Variants in WWOX observed in about 807,000 individuals in gnomAD.
WWOX encodes the protein WW domain-containing oxidoreductase.
In WWOX, 69 loss-of-function variants were observed where a neutral mutation model predicts 46.2. That is an observed-to-expected ratio of 1.49 (90% CI 1.23 to 1.82). The LOEUF is 1.82. WWOX is among the 40% of genes most tolerant of loss of function. The pLI, the probability that WWOX is intolerant of heterozygous loss-of-function variation, is 0.00. For missense variants in WWOX, 919 were observed against 542.6 expected (o/e 1.69, Z -6.89); for synonymous variants, 359 against 202.6 (o/e 1.77, Z -6.56).
At chr16:78,969,530 C>G (rs954037089) in intron 8 of WWOX, among the ~76,000 whole-genome samples, 2 of 152,268 alleles carry the variant, frequency 1.3e-5, no homozygotes, top group African/African-American at 4.8e-5. Flanking sequence ...CTCAGCCTCC[C>G]AAAGTGCTGG....
At chr16:78,117,139 G>A (rs1360760340) in intron 4 of WWOX, among the ~76,000 whole-genome samples, 2 of 152,178 alleles carry the variant, frequency 1.3e-5, no homozygotes, top group East Asian at 3.8e-4. Flanking sequence ...AACTCTTTGT[G>A]CCTCTTCACA....
intron 8 of WWOX, among the ~76,000 whole-genome samples, chr16:78,711,659 A>T (rs1597477375): frequency 6.6e-6 from 1 of 152,194 alleles, no homozygotes; most frequent in Admixed American, 6.5e-5. Context: ...ATTTGAGACG[A>T]ACAGGCCAAA....
intron 8 of WWOX, among the ~76,000 whole-genome samples, chr16:78,651,383 G>C (rs896160495): frequency 7.9e-5 from 12 of 152,224 alleles, no homozygotes; most frequent in African/African-American, 2.4e-4. Context: ...GTGGATGTCA[G>C]GTTGAATACA....
intron 8 of WWOX, among the ~76,000 whole-genome samples, chr16:78,536,684 G>A (rs1175502742): frequency 2.6e-5 from 4 of 152,138 alleles, no homozygotes; most frequent in Non-Finnish European, 5.9e-5. Context: ...GCCAGCTAAA[G>A]TGTGGTCTCT....
intron 8 of WWOX, chr16:79,196,525 G>A (rs2051243671): frequency 6.6e-6 from 1 of 152,112 alleles, no homozygotes; most frequent in East Asian, 1.9e-4. Flanking sequence ...AGTCTATTCG[G>A]ACCCAACTTC....
chr16:78,398,828 A>G (rs549689575), intron 6 of WWOX, among the ~76,000 whole-genome samples: 20 of 152,358 alleles, frequency 1.3e-4, no homozygotes, highest in Admixed American at 1.0e-3. Flanking sequence ...GAATATTTAT[A>G]AAGCGTAGTA....
chr16:78,266,264 C>T (rs1276909615), intron 5 of WWOX, among the ~76,000 whole-genome samples: 1 of 152,154 alleles, frequency 6.6e-6, no homozygotes, highest in East Asian at 1.9e-4. Context: ...TTTCAGTGTT[C>T]ATAACTAAAT....
intron 8 of WWOX, among the ~76,000 whole-genome samples, chr16:78,928,357 C>T (rs1175369551): frequency 4.0e-5 from 6 of 151,664 alleles, no homozygotes; most frequent in Non-Finnish European, 7.4e-5. Flanking sequence ...CGCCCGCTAC[C>T]ACGCCCGGCT....
At chr16:78,471,624 T>G (rs1186065165) in intron 8 of WWOX, among the ~76,000 whole-genome samples, 1 of 152,224 alleles carries the variant, frequency 6.6e-6, no homozygotes, top group Non-Finnish European at 1.5e-5. Context: ...TTCTGTGACT[T>G]TGTACTGAGA....
intron 8 of WWOX, among the ~76,000 whole-genome samples, chr16:78,791,857 G>A (rs570790864): frequency 6.6e-6 from 1 of 152,226 alleles, no homozygotes; most frequent in East Asian, 1.9e-4. Context: ...TGCAGCCTGG[G>A]CGACAGTGAA....
intron 8 of WWOX, chr16:78,896,480 C>T (rs2044703226): frequency 6.6e-6 from 1 of 152,158 alleles, no homozygotes; most frequent in Non-Finnish European, 1.5e-5. Flanking sequence ...GCTTCCCCTA[C>T]CCCTTCCGTC....
intron 8 of WWOX, among the ~76,000 whole-genome samples, chr16:78,532,210 T>G (rs1480011057): frequency 6.6e-6 from 1 of 152,190 alleles, no homozygotes; most frequent in African/African-American, 2.4e-5. Context: ...GAATTACATT[T>G]TAATATTGGT....
At chr16:78,924,527 C>T (rs184758658) in intron 8 of WWOX, among the ~76,000 whole-genome samples, 12 of 152,310 alleles carry the variant, frequency 7.9e-5, no homozygotes, top group Admixed American at 3.3e-4. Context: ...TCAAGATTCT[C>T]TTCAGCCCAG....
At position 78,138,051 on chromosome 16, in the gene WWOX, G is replaced by A. The variant is rs1175140643; in HGVS notation, c.409+22897G>A. Among the ~76,000 whole-genome samples, 2 of 150,644 alleles carry A rather than the reference G, an allele frequency of 1.3e-5. 1 individual carries two copies. The highest frequency in any genetic ancestry group is 3.0e-5 in the Non-Finnish European group (2 of 67,598). ...CTTCTGATCAGCTTCTATAATGGAT[G>A]CAATGAGGAAAGTTGTCTAGCAGAC... On this transcript the variant is annotated intron_variant, in intron 4 of 8. Transcript: ENST00000566780.
At chr16:78,887,330 G>A (rs1185598616) in intron 8 of WWOX, among the ~76,000 whole-genome samples, 2 of 151,822 alleles carry the variant, frequency 1.3e-5, no homozygotes, top group African/African-American at 4.8e-5. Flanking sequence ...TTAATCTGTT[G>A]TAGCTTTTCT....
At chr16:78,261,792 A>C (rs62034052) in intron 5 of WWOX, among the ~76,000 whole-genome samples, 13,323 of 67,306 alleles carry the variant, frequency 0.2, 787 homozygotes, top group Admixed American at 0.3. Context: ...ATCTATCTAT[A>C]TATATATATA....
intron 8 of WWOX, among the ~76,000 whole-genome samples, chr16:79,180,806 C>G (rs2150785910): frequency 6.6e-6 from 1 of 152,138 alleles, no homozygotes; most frequent in Middle Eastern, 3.4e-3. Flanking sequence ...GAATAGAAAC[C>G]TAATATAGAT....
At chr16:78,861,088 G>T (rs1008351213) in intron 8 of WWOX, among the ~76,000 whole-genome samples, 4 of 152,088 alleles carry the variant, frequency 2.6e-5, no homozygotes. Flanking sequence ...CCAAAGTGTT[G>T]GGATTATAGG....
At chr16:78,888,376 C>T (rs1039041974) in intron 8 of WWOX, among the ~76,000 whole-genome samples, 178 of 152,304 alleles carry the variant, frequency 1.2e-3, no homozygotes, top group African/African-American at 4.0e-3. Context: ...AGGCAGCTCC[C>T]TTGGCCCTTG....
Sources: allele counts gnomAD v4.1 joint callset (sites outside exome capture counted in the v4.1 genomes callset), GRCh38; gene constraint gnomAD v4.1.1; transcripts MANE v1.5; gene names NCBI Gene and HGNC (gene_info 2026-07-23, HGNC 2026-07-21).